MYRIP: variants seen among roughly 807,000 people sequenced by gnomAD.
The protein encoded by MYRIP is rab effector MyRIP.
In MYRIP, 49 loss-of-function variants were observed where a neutral mutation model predicts 98.0. The observed-to-expected ratio is 0.50, with a 90% CI of 0.40 to 0.63. The LOEUF (loss-of-function observed/expected upper bound fraction) is 0.63. MYRIP is among the 30% of genes least tolerant of loss of function. The pLI, the probability that MYRIP is intolerant of heterozygous loss-of-function variation, is 0.00. For synonymous variants in MYRIP, 404 were observed against 409.5 expected, an observed-to-expected ratio of 0.99 and a Z score of 0.16; for missense variants, 1,004 against 1,058.2, an observed-to-expected ratio of 0.95 and a Z score of 0.71.
At chr3:39,867,720 A>G (rs1443401032) in intron 1 of MYRIP, among the ~76,000 whole-genome samples, 8 of 152,240 alleles carry the variant, frequency 5.3e-5, no homozygotes, top group Non-Finnish European at 7.3e-5. Flanking sequence ...TGGTACGGCC[A>G]TTATGGAAAA....
At chr3:39,907,861 G>A (rs1943918287) in intron 2 of MYRIP, among the ~76,000 whole-genome samples, 1 of 152,142 alleles carries the variant, frequency 6.6e-6, no homozygotes, top group Non-Finnish European at 1.5e-5. Context: ...CTCTCAGGTA[G>A]TAGAAGACAC....
chr3:39,853,282 T>C (rs1269703231), intron 1 of MYRIP, among the ~76,000 whole-genome samples: 1 of 152,228 alleles, frequency 6.6e-6, no homozygotes, highest in Non-Finnish European at 1.5e-5. Flanking sequence ...AGTAGTGGGA[T>C]TGCCGGATCA....
intron 15 of MYRIP, among the ~76,000 whole-genome samples, chr3:40,251,666 C>T (rs1056034418): frequency 5.3e-5 from 8 of 152,192 alleles, no homozygotes; most frequent in Admixed American, 1.3e-4. Flanking sequence ...TCTGAGCTAT[C>T]GTTCCACAGA....
chr3:39,966,086 C>A (rs1448380924), intron 2 of MYRIP, among the ~76,000 whole-genome samples: 8 of 152,072 alleles, frequency 5.3e-5, no homozygotes, highest in East Asian at 3.9e-4. Context: ...GGTGGCTACT[C>A]CAAGATCTCG....
At chr3:39,842,196 C>A (rs1057476678) in intron 1 of MYRIP, among the ~76,000 whole-genome samples, 1 of 152,174 alleles carries the variant, frequency 6.6e-6, no homozygotes, top group Admixed American at 6.5e-5. Context: ...GCTACATGGG[C>A]TTTGCTATGC....
chr3:40,244,635 G>T (rs970339257), intron 13 of MYRIP, 28 bp downstream of exon 13: 1 of 1,570,418 alleles, frequency 6.4e-7, no homozygotes, highest in Non-Finnish European at 8.6e-7. Flanking sequence ...TGCCCACATG[G>T]GTCCTGCAGG....
chr3:40,020,323 G>A (rs1331155715), intron 2 of MYRIP, among the ~76,000 whole-genome samples: 3 of 151,746 alleles, frequency 2.0e-5, no homozygotes, highest in Non-Finnish European at 4.4e-5. Context: ...CTAGATGTGT[G>A]ATAGAGTCAA....
At chr3:40,164,955 G>A (rs578004001) in intron 5 of MYRIP, among the ~76,000 whole-genome samples, 1 of 152,320 alleles carries the variant, frequency 6.6e-6, no homozygotes, top group South Asian at 2.1e-4. Context: ...CATGGACTCA[G>A]TTTGTCCATC....
At chr3:40,220,200 A>C (rs1397980423) in intron 11 of MYRIP, among the ~76,000 whole-genome samples, 1 of 151,458 alleles carries the variant, frequency 6.6e-6, no homozygotes, top group Non-Finnish European at 1.5e-5. Flanking sequence ...TTTTCTTGTA[A>C]ATTTGTTTGA....
intron 4 of MYRIP, among the ~76,000 whole-genome samples, chr3:40,161,422 C>G (rs1428169728): frequency 6.6e-6 from 1 of 152,180 alleles, no homozygotes; most frequent in East Asian, 1.9e-4. Flanking sequence ...CCCATCCTCT[C>G]AGCAGGCAAC....
intron 3 of MYRIP, among the ~76,000 whole-genome samples, chr3:40,068,247 T>G (rs927810214): frequency 2.6e-5 from 4 of 152,214 alleles, no homozygotes; most frequent in African/African-American, 9.6e-5. Flanking sequence ...TACATGAACT[T>G]ATTCTGCCAC....
At position 40,212,175 on chromosome 3, in the gene MYRIP, T is replaced by C. The variant is rs1346455907; in HGVS notation, c.1905+2082T>C. ...ATACGTGTATATATATATACATATA[T>C]ATACGTGTATGTGTATATACATATA... On this transcript the variant is annotated intron_variant, in intron 11 of 16. Coordinates refer to ENST00000302541, the MANE Select transcript of MYRIP (RefSeq NM_015460.4). Among the ~76,000 whole-genome samples the C allele has an allele frequency of 1.9e-3, 19 of 9,844 alleles. 4 individuals are homozygous for C. The highest frequency in any genetic ancestry group is 4.9e-3 in the Admixed American group (3 of 612). 6.5% of individuals were successfully genotyped at this position (9,844 alleles called of 152,430 possible).
intron 1 of MYRIP, among the ~76,000 whole-genome samples, chr3:39,870,470 T>G (rs1942753368): frequency 6.6e-6 from 1 of 152,262 alleles, no homozygotes; most frequent in Admixed American, 6.5e-5. Flanking sequence ...CTGAGTTTAC[T>G]TACTGATATT....
chr3:39,824,042 A>T (rs1489241150), intron 1 of MYRIP, among the ~76,000 whole-genome samples: 1 of 152,168 alleles, frequency 6.6e-6, no homozygotes, highest in Non-Finnish European at 1.5e-5. Flanking sequence ...TAAGGCGAGA[A>T]GTGGAGGTAT....
chr3:40,005,303 C>T (rs1331083502), intron 2 of MYRIP, among the ~76,000 whole-genome samples: 1 of 152,250 alleles, frequency 6.6e-6, no homozygotes, highest in Non-Finnish European at 1.5e-5. Context: ...ACTCCTGTAA[C>T]TCATAGTACC....
chr3:40,253,220 C>T (rs568675898), intron 16 of MYRIP, among the ~76,000 whole-genome samples: 95 of 152,232 alleles, frequency 6.2e-4, no homozygotes, highest in African/African-American at 1.3e-3. Flanking sequence ...AATCTTACCC[C>T]GCTTGTTTAC....
intron 3 of MYRIP, among the ~76,000 whole-genome samples, chr3:40,137,830 A>T (rs1255328620): frequency 6.6e-6 from 1 of 152,178 alleles, no homozygotes; most frequent in Non-Finnish European, 1.5e-5. Context: ...TCAATGAACC[A>T]AGGTTGCTTA....
chr3:39,822,976 A>G (rs1941150013), intron 1 of MYRIP, among the ~76,000 whole-genome samples: 1 of 151,294 alleles, frequency 6.6e-6, no homozygotes, highest in Non-Finnish European at 1.5e-5. Context: ...ATAGTGCTGC[A>G]ATAAACATGG....
At position 40,233,796 on chromosome 3, in the gene MYRIP, TTC is replaced by T. The variant is rs1298608307; in HGVS notation, c.1906-61_1906-60del. On this transcript the variant is annotated intron_variant, in intron 11 of 16. Coordinates refer to ENST00000302541, the MANE Select transcript of MYRIP (RefSeq NM_015460.4). ...GATGAGTGTCATGATAACATAGAAT[TTC>T]TGTGTCATTGTTAATGTGCTGTTCT... is the stretch of plus-strand genomic sequence containing the variant. The T allele has an allele frequency of 2.1e-6, 3 of 1,458,528 alleles. No homozygotes were observed. The East Asian group carries it at 6.9e-5, about 33-fold the overall frequency. The allele number at this position is 1,458,528 out of a possible 1,614,324, so 90.3% of individuals were successfully genotyped here.
Sources: allele counts gnomAD v4.1 joint callset (sites outside exome capture counted in the v4.1 genomes callset), GRCh38; gene constraint gnomAD v4.1.1; transcripts MANE v1.5; gene names NCBI Gene and HGNC (gene_info 2026-07-23, HGNC 2026-07-21).